Variants in CLEC16A observed in about 807,000 individuals in gnomAD.
CLEC16A encodes the protein C-type lectin domain containing 16A.
In CLEC16A, 51 loss-of-function variants were observed where a neutral mutation model predicts 109.5. The observed-to-expected ratio is 0.47, with a 90% CI of 0.37 to 0.59. CLEC16A has a LOEUF of 0.59. CLEC16A is among the 20% of genes least tolerant of loss of function. The pLI is 0.00. For missense variants in CLEC16A, 1,339 were observed against 1,394.0 expected, an observed-to-expected ratio of 0.96 and a Z score of 0.63; for synonymous variants, 673 against 564.2, an observed-to-expected ratio of 1.19 and a Z score of -2.73.
chr16:10,990,544 AG>A (rs2043944628), intron 10 of CLEC16A, among the ~76,000 whole-genome samples: 1 of 152,218 alleles, frequency 6.6e-6, no homozygotes, highest in African/African-American at 2.4e-5. Flanking sequence ...TAGCCAGAGA[AG>A]GGGCAGGTGC....
chr16:11,126,053 C>G lies in CLEC16A; in HGVS notation c.2548C>G (p.His850Asp). 1 of 1,613,976 alleles carries G rather than the reference C, an allele frequency of 6.2e-7. No individual in the cohort carries two copies. The highest frequency in any genetic ancestry group is 1.1e-5 in the South Asian group (1 of 91,086). The change falls in exon 22 of 24, where the codon CAC becomes GAC. Residue 850 changes from histidine (H) to aspartate (D), a missense_variant. Coordinates refer to ENST00000409790, the MANE Select transcript of CLEC16A (RefSeq NM_015226.3). Reference sequence around the variant, plus strand: ...ACTCGGCTCCTCCACCTCCACTCAGCACCTGCCTTTCCGCTTCTACGACCA... The same window carrying G: ...ACTCGGCTCCTCCACCTCCACTCAGGACCTGCCTTTCCGCTTCTACGACCA... ...FGLGSSTSTQ[H>D]LPFRFYDQGR...
intron 22 of CLEC16A, among the ~76,000 whole-genome samples, chr16:11,149,325 G>A (rs528546776): frequency 6.6e-6 from 1 of 152,314 alleles, no homozygotes; most frequent in African/African-American, 2.4e-5. Context: ...ATTAATACAT[G>A]AACGTAGAAT....
intron 11 of CLEC16A, among the ~76,000 whole-genome samples, chr16:11,018,817 G>A (rs1421502948): frequency 1.3e-5 from 2 of 151,748 alleles, no homozygotes; most frequent in Non-Finnish European, 2.9e-5. Flanking sequence ...AGCACAGCTG[G>A]AGCAGCATGA....
At chr16:10,974,339 CAATA>C (rs2042938882) in intron 7 of CLEC16A, among the ~76,000 whole-genome samples, 1 of 152,124 alleles carries the variant, frequency 6.6e-6, no homozygotes, top group South Asian at 2.1e-4. Context: ...AATTATACTT[CAATA>C]AATCTCTTTT....
intron 1 of CLEC16A, among the ~76,000 whole-genome samples, chr16:10,946,737 C>T (rs139812688): frequency 7.5e-4 from 114 of 152,268 alleles, no homozygotes; most frequent in Non-Finnish European, 1.5e-3. Context: ...TTATTCTGTA[C>T]CAGGTATTTG....
At chr16:11,070,765 G>A (rs2049027971) in intron 19 of CLEC16A, 1 of 152,264 alleles carries the variant, frequency 6.6e-6, no homozygotes. Context: ...CACCTGGCAT[G>A]TACCCACCTC....
chr16:11,014,650 T>C (rs1212927737), intron 11 of CLEC16A, among the ~76,000 whole-genome samples: 1 of 152,284 alleles, frequency 6.6e-6, no homozygotes, highest in East Asian at 1.9e-4. Flanking sequence ...CCAAATAGTA[T>C]CATAACTGAG....
At chr16:10,988,810 T>G (rs2043822991) in intron 10 of CLEC16A, among the ~76,000 whole-genome samples, 1 of 152,148 alleles carries the variant, frequency 6.6e-6, no homozygotes, top group Admixed American at 6.5e-5. Flanking sequence ...GGGTTTATGA[T>G]GAGAATTAAG....
At chr16:10,974,435 T>C (rs1174165417) in intron 7 of CLEC16A, among the ~76,000 whole-genome samples, 4 of 152,230 alleles carry the variant, frequency 2.6e-5, no homozygotes, top group East Asian at 1.9e-4. Context: ...CTTGGCTCTA[T>C]TGACCTCTTG....
intron 8 of CLEC16A, among the ~76,000 whole-genome samples, chr16:10,977,779 A>G (rs546837530): frequency 5.9e-5 from 9 of 152,232 alleles, no homozygotes; most frequent in African/African-American, 1.9e-4. Context: ...GGGCCTTCCA[A>G]AGTGCTGGGA....
intron 19 of CLEC16A, among the ~76,000 whole-genome samples, chr16:11,101,141 G>C (rs1407474629): frequency 6.6e-6 from 1 of 152,190 alleles, no homozygotes; most frequent in Non-Finnish European, 1.5e-5. Flanking sequence ...TTAAGTTCCA[G>C]TCCAGGTCTT....
chr16:11,065,878 G>T (rs543477567), intron 19 of CLEC16A, among the ~76,000 whole-genome samples: 6 of 152,350 alleles, frequency 3.9e-5, no homozygotes, highest in African/African-American at 7.2e-5. Flanking sequence ...TAGCAAGAGT[G>T]GGTCAGTGGC....
At chr16:11,150,296 A>G (rs909336531) in intron 22 of CLEC16A, 2 of 152,248 alleles carry the variant, frequency 1.3e-5, no homozygotes, top group African/African-American at 4.8e-5. Context: ...CTTCCCTTAA[A>G]TAAAATCATA....
chr16:11,002,928 G>A (rs1596994296), intron 10 of CLEC16A, 146 bp from the exon 11 acceptor site: 1 of 644,936 alleles, frequency 1.6e-6, no homozygotes, highest in Admixed American at 2.9e-5. Context: ...TAGTCCCGCA[G>A]TAAGCATGCG....
At chr16:11,088,970 C>T (rs1377098026) in intron 19 of CLEC16A, among the ~76,000 whole-genome samples, 1 of 152,216 alleles carries the variant, frequency 6.6e-6, no homozygotes, top group Non-Finnish European at 1.5e-5. Context: ...CCTGCCATTT[C>T]CCCAGCCACC....
chr16:10,948,136 GC>G (rs2041518110), intron 1 of CLEC16A, among the ~76,000 whole-genome samples: 1 of 152,220 alleles, frequency 6.6e-6, no homozygotes, highest in African/African-American at 2.4e-5. Flanking sequence ...CTTGTGATCT[GC>G]CCTCCTTGAC....
At chr16:10,959,014 G>GGTGTGTGTGTGTGTGT (rs59658260) in intron 2 of CLEC16A, among the ~76,000 whole-genome samples, 47 of 146,190 alleles carry the variant, frequency 3.2e-4, no homozygotes, top group African/African-American at 1.1e-3. Flanking sequence ...ACTAAACACG[G>GGTGTGTGTGTGTGTGT]GTGTGTGTGT....
At chr16:11,083,628 C>A (rs1237900840) in intron 19 of CLEC16A, among the ~76,000 whole-genome samples, 1 of 152,110 alleles carries the variant, frequency 6.6e-6, no homozygotes, top group Non-Finnish European at 1.5e-5. Flanking sequence ...AACCATTTTT[C>A]TTTCCTTCCT....
Position 11,125,990 on chromosome 16 carries a change from C to T in CLEC16A, c.2485C>T (p.Leu829Phe). ...KMQRIAALLD[L>F]PIQPTTEVLG... ...TTGTTTGACCGTAGCCCTCCTGGAC[C>T]TCCCAATCCAGCCCACCACTGAAGT... Residue 829 changes from leucine to phenylalanine, a missense_variant, in exon 22 of 24, where the codon CTC (leucine) becomes TTC (phenylalanine). By Grantham distance (22) the Leu-to-Phe change is conservative. Around this residue, in one of 3 missense-constraint regions of CLEC16A, gnomAD observed 1,061 missense variants for 1,006.8 expected, o/e 1.05. Coordinates refer to ENST00000409790, the MANE Select transcript of CLEC16A (RefSeq NM_015226.3). The T allele has an allele frequency of 1.2e-6, 2 of 1,600,140 alleles. No individual in the cohort carries two copies. The highest frequency in any genetic ancestry group is 1.7e-6 in the Non-Finnish European group (2 of 1,172,858).
Sources: allele counts gnomAD v4.1 joint callset (sites outside exome capture counted in the v4.1 genomes callset), GRCh38; gene constraint gnomAD v4.1.1; regional missense constraint gnomAD v4.1.1; transcripts MANE v1.5; gene names NCBI Gene and HGNC (gene_info 2026-07-23, HGNC 2026-07-21).